The following TRIQK variants were observed in gnomAD, a reference collection of about 807,000 sequenced individuals.
TRIQK encodes triple QxxK/R motif containing.
TRIQK carries 10 observed loss-of-function variants against 10.8 expected under a neutral mutation model. That is an observed-to-expected ratio of 0.92 (90% CI 0.57 to 1.57). The LOEUF is 1.57. Ranked by LOEUF, TRIQK falls within the 40% of genes most tolerant of loss-of-function variation. The pLI, the probability that TRIQK is intolerant of heterozygous loss-of-function variation, is 0.00. For synonymous variants in TRIQK, 33 were observed against 33.7 expected (o/e 0.98, Z 0.07); for missense variants, 107 against 97.7 (o/e 1.09, Z -0.40).
chr8:92,933,547 G>A (rs1230981451), intron 2 of TRIQK, among the ~76,000 whole-genome samples: 1 of 152,022 alleles, frequency 6.6e-6, no homozygotes, highest in Non-Finnish European at 1.5e-5. Context: ...TGCTGAAGCT[G>A]GCCATGGGGT....
At chr8:92,969,776 A>T (rs1047176056), upstream of TRIQK, among the ~76,000 whole-genome samples, 16 of 139,140 alleles carry the variant, frequency 1.1e-4, no homozygotes, top group East Asian at 2.0e-4. Context: ...TTCTTTTTTT[A>T]AAAAAAATTA....
Position 92,884,548 on chromosome 8 carries a change from T to C in TRIQK, c.*2074A>G. ...TGCCTATAATTATACTATATTTAGA[T>C]TAATAGTTATCAAAAACATTTTTCC... is the stretch of plus-strand genomic sequence containing the variant. On this transcript the variant is annotated 3_prime_UTR_variant, in exon 5 of 5. Coordinates refer to ENST00000521988, the MANE Select transcript of TRIQK (RefSeq NM_001171797.2). 2 of 322,658 alleles carry C rather than the reference T, an allele frequency of 6.2e-6. No homozygotes were observed. The highest frequency in any genetic ancestry group is 2.7e-5 in the South Asian group (1 of 37,622). 20.0% of individuals were successfully genotyped at this position (322,658 alleles called of 1,614,324 possible). A position where few individuals can be genotyped will look rare whatever the true frequency, so the allele number is the denominator to read the frequency against.
chr8:92,918,332 T>G (rs1356022732), intron 2 of TRIQK, among the ~76,000 whole-genome samples: 1 of 151,958 alleles, frequency 6.6e-6, no homozygotes, highest in African/African-American at 2.4e-5. Flanking sequence ...AATTTACATT[T>G]TCACCCACAG....
chr8:92,981,409 ATTAT>A lies in TRIQK; in HGVS notation c.-180-26849_-180-26846del, dbSNP rs552586643. ...TTGTGTTACACAAATAGTTTATATC[ATTAT>A]TTATTATGTATTTCTATTTCAAACT... On this transcript the variant is annotated intron_variant, in intron 1 of 4. Coordinates refer to the TRIQK transcript ENST00000520686. 3.9e-5 allele frequency among the ~76,000 whole-genome samples: 6 copies of A among 152,010 alleles called. No individual in the cohort carries two copies. In the East Asian group the frequency reaches 7.7e-4, roughly 20 times the overall value.
chr8:92,911,782 T>A (rs904530340), intron 3 of TRIQK, among the ~76,000 whole-genome samples: 10 of 150,070 alleles, frequency 6.7e-5, no homozygotes, highest in Non-Finnish European at 1.5e-4. Context: ...TAAATAAATA[T>A]ACATATATAC....
At chr8:92,988,000 C>CTTTTTTTTT (rs549776227) in intron 1 of TRIQK, among the ~76,000 whole-genome samples, 1 of 57,574 alleles carries the variant, frequency 1.7e-5, no homozygotes, top group Non-Finnish European at 3.0e-5. Context: ...TTTATACTTT[C>CTTTTTTTTT]TTTTTTTTTT....
chr8:92,952,270 C>A (rs1432742403), intron 2 of TRIQK, among the ~76,000 whole-genome samples: 1 of 151,784 alleles, frequency 6.6e-6, no homozygotes, highest in African/African-American at 2.4e-5. Flanking sequence ...AAGAAGGAAC[C>A]AAAAGAAATG....
rs1308354453 is a variant in TRIQK, at chr8:92,985,041, C to T, written c.-180-30477G>A. 4.6e-5 allele frequency among the ~76,000 whole-genome samples: 7 copies of T among 152,100 alleles called. 1 individual carries two copies. Among genetic ancestry groups the T allele is most frequent in the Non-Finnish European group, 1.0e-4 (7 of 68,002 alleles). ...CTTTGATGTTTCTAAAGCTAATAAACTTATTGTCCTAATTATTTTCCTAGA... is the reference window on the plus strand; with the variant it reads ...CTTTGATGTTTCTAAAGCTAATAAATTTATTGTCCTAATTATTTTCCTAGA... On this transcript the variant is annotated intron_variant, in intron 1 of 4. Transcript: ENST00000520686.
chr8:92,988,601 A>C (rs1813062550), intron 1 of TRIQK, among the ~76,000 whole-genome samples: 1 of 152,200 alleles, frequency 6.6e-6, no homozygotes, highest in Non-Finnish European at 1.5e-5. Flanking sequence ...ATATGAAATT[A>C]TCTCTGCTCT....
At chr8:92,933,241 G>A (rs1318621471) in intron 2 of TRIQK, among the ~76,000 whole-genome samples, 1 of 151,956 alleles carries the variant, frequency 6.6e-6, no homozygotes, top group East Asian at 1.9e-4. Context: ...AAACCTGTCA[G>A]ACATTATTAT....
At chr8:93,017,486 A>G (rs1246594869) in intron 1 of TRIQK, 2 of 152,256 alleles carry the variant, frequency 1.3e-5, no homozygotes, top group Admixed American at 6.5e-5. Flanking sequence ...GTAGTGGCAG[A>G]GCATCTCCCT....
chr8:92,952,790 G>A (rs775318560), intron 2 of TRIQK, among the ~76,000 whole-genome samples: 2 of 152,056 alleles, frequency 1.3e-5, no homozygotes, highest in Middle Eastern at 3.4e-3. Context: ...AGGCAATACT[G>A]CACTTCATAG....
chr8:92,892,396 G>A (rs1816812566), intron 3 of TRIQK, among the ~76,000 whole-genome samples: 5 of 151,882 alleles, frequency 3.3e-5, no homozygotes, highest in African/African-American at 1.2e-4. Flanking sequence ...AGATGCATAA[G>A]TAAATGAGTA....
At chr8:92,918,219 C>CT (rs999283391) in intron 2 of TRIQK, among the ~76,000 whole-genome samples, 4 of 151,896 alleles carry the variant, frequency 2.6e-5, no homozygotes, top group African/African-American at 9.6e-5. Flanking sequence ...TACTGATTTC[C>CT]TTTTTTTGGA....
chr8:92,926,657 C>G (rs1268080454), intron 2 of TRIQK, among the ~76,000 whole-genome samples: 1 of 152,126 alleles, frequency 6.6e-6, no homozygotes, highest in Non-Finnish European at 1.5e-5. Context: ...TCATAGCACA[C>G]TACGTCCATG....
chr8:92,910,751 TAATAG>T (rs1290033640), intron 3 of TRIQK, among the ~76,000 whole-genome samples: 2 of 151,198 alleles, frequency 1.3e-5, no homozygotes, highest in Non-Finnish European at 3.0e-5. Flanking sequence ...GGTCATTATA[TAATAG>T]AAAAGGGGAA....
At chr8:92,978,054 A>G (rs1343227921) in intron 1 of TRIQK, among the ~76,000 whole-genome samples, 7 of 152,008 alleles carry the variant, frequency 4.6e-5, no homozygotes, top group African/African-American at 1.7e-4. Flanking sequence ...TTATTTCCTC[A>G]TATTCATTCA....
In TRIQK at chr8:92,886,371, A is replaced by C. The variant is rs1398743666; in HGVS notation, c.*251T>G. On this transcript the variant is annotated 3_prime_UTR_variant, in exon 5 of 5. Transcript: ENST00000521988. ...TTAGGATCTGGTTCCCATTTCATCT[A>C]AATGTACCATGTATAGGGTGGCTGT... is the stretch of plus-strand genomic sequence containing the variant. 4.2e-6 allele frequency: 1 copy of C among 236,724 alleles called. No individual in the cohort carries two copies. Among genetic ancestry groups the C allele is most frequent in the East Asian group, 8.4e-5 (1 of 11,954 alleles). The allele number at this position is 236,724 out of a possible 1,614,324, so 14.7% of individuals were successfully genotyped here.
intron 1 of TRIQK, among the ~76,000 whole-genome samples, chr8:92,990,911 C>G (rs1274178239): frequency 3.3e-5 from 5 of 152,188 alleles, no homozygotes; most frequent in African/African-American, 1.2e-4. Context: ...GAACCATTCA[C>G]TGCCCTGAAA....
Sources: allele counts gnomAD v4.1 joint callset (sites outside exome capture counted in the v4.1 genomes callset), GRCh38; gene constraint gnomAD v4.1.1; transcripts MANE v1.5; gene names NCBI Gene and HGNC (gene_info 2026-07-23, HGNC 2026-07-21).